Variants in ADAMTSL1 observed in about 807,000 individuals in gnomAD.
ADAMTSL1 encodes the protein ADAMTS like 1, also known as ADAMTS-like protein 1.
ADAMTSL1 carries 126 observed loss-of-function variants against 201.8 expected under a neutral mutation model. The ratio of observed to expected loss-of-function variants is 0.62; its 90% confidence interval spans 0.54 to 0.72. The LOEUF is 0.72. Among genes scored for constraint, ADAMTSL1 ranks in the 30% least tolerant of loss-of-function variants. The pLI is 0.00. For synonymous variants in ADAMTSL1, 1,121 were observed against 903.4 expected, an observed-to-expected ratio of 1.24 and a Z score of -4.32; for missense variants, 2,679 against 2,277.8, an observed-to-expected ratio of 1.18 and a Z score of -3.59.
chr9:18,305,545 G>A (rs569063979), intron 2 of ADAMTSL1, among the ~76,000 whole-genome samples: 3 of 152,318 alleles, frequency 2.0e-5, no homozygotes, highest in East Asian at 1.9e-4. Flanking sequence ...CATTACTGAG[G>A]CTTGAGTAGG....
chr9:18,349,607 G>T (rs190111159), intron 2 of ADAMTSL1, among the ~76,000 whole-genome samples: 83 of 152,188 alleles, frequency 5.5e-4, no homozygotes, highest in Non-Finnish European at 1.1e-3. Context: ...CCCTGCCTTA[G>T]TGGAAAATAT....
At chr9:18,528,652 G>C (rs920018473) in intron 2 of ADAMTSL1, among the ~76,000 whole-genome samples, 1 of 152,092 alleles carries the variant, frequency 6.6e-6, no homozygotes, top group Non-Finnish European at 1.5e-5. Flanking sequence ...ATTGTGAATA[G>C]TGCTAGAAGA....
intron 1 of ADAMTSL1, among the ~76,000 whole-genome samples, chr9:18,033,552 C>T (rs142594556): frequency 6.6e-6 from 1 of 152,188 alleles, no homozygotes; most frequent in African/African-American, 2.4e-5. Flanking sequence ...TAGGGAATGT[C>T]CTTCTAACCA....
rs897175132 is a variant in ADAMTSL1, at chr9:18,169,586, T to C, written c.207+5605T>C. ...ATGCCTCCAGCTTTGTTCTTTTGAC[T>C]TAGGATTGACTTGGCGATGCGGGCT... On this transcript the variant is annotated intron_variant, in intron 2 of 29. Coordinates refer to the ADAMTSL1 transcript ENST00000680146. Among the ~76,000 whole-genome samples, 6 of 152,172 alleles carry C rather than the reference T, an allele frequency of 3.9e-5. No homozygotes were observed. In the East Asian group the frequency reaches 5.8e-4, roughly 15 times the overall value.
In ADAMTSL1 at chr9:18,115,344, C is replaced by T. The variant is rs372166803; in HGVS notation, c.88-48518C>T. ...CATGCTGCAGGCAATTTCTGGAAGGCAGGCAGGAAGGCAGGCAGGGGGACC... is the reference window on the plus strand; with the variant it reads ...CATGCTGCAGGCAATTTCTGGAAGGTAGGCAGGAAGGCAGGCAGGGGGACC... On this transcript the variant is annotated intron_variant, in intron 1 of 29. Transcript: ENST00000680146. Among the ~76,000 whole-genome samples the T allele has an allele frequency of 9.9e-5, 15 of 152,224 alleles. No individual in the cohort carries two copies. In the East Asian group the frequency reaches 2.1e-3, roughly 22 times the overall value.
rs190770491 is a variant in ADAMTSL1, at chr9:18,422,780, C to T, written c.208-82049C>T. 3.6e-4 allele frequency among the ~76,000 whole-genome samples: 55 copies of T among 152,274 alleles called. 1 individual carries two copies. The East Asian group carries it at 6.0e-3, about 17-fold the overall frequency. ...CCGGTATGGCCTCTGTCACAGCCTT[C>T]CTCATATAATCCAGTAACTGGTTGC... On this transcript the variant is annotated intron_variant, in intron 2 of 29. Transcript: ENST00000680146.
chr9:17,940,044 A>T (rs1827173500), intron 1 of ADAMTSL1, among the ~76,000 whole-genome samples: 1 of 151,984 alleles, frequency 6.6e-6, no homozygotes, highest in Non-Finnish European at 1.5e-5. Context: ...TGGGGGGAGG[A>T]TGAAACAATA....
chr9:18,305,749 C>T (rs1446141514), intron 2 of ADAMTSL1, among the ~76,000 whole-genome samples: 1 of 152,174 alleles, frequency 6.6e-6, no homozygotes, highest in Non-Finnish European at 1.5e-5. Flanking sequence ...TGGGACACAG[C>T]ACTTGGGGGA....
rs1218055587 is a variant in ADAMTSL1, at chr9:18,710,671, GT to G, written c.1876+3642del. On this transcript the variant is annotated intron_variant, in intron 14 of 28. Coordinates refer to ENST00000380548, the MANE Select transcript of ADAMTSL1 (RefSeq NM_001040272.6). ...CTTAGAAGGGCCTAAGTTTTGTTTT[GT>G]TTTTTTTTTTTTTTTTTTACAAAAT... 4.9e-4 allele frequency among the ~76,000 whole-genome samples: 48 copies of G among 97,182 alleles called. 1 individual carries two copies. In the East Asian group the frequency reaches 6.2e-3, roughly 13 times the overall value. 63.8% of individuals were successfully genotyped at this position (97,182 alleles called of 152,430 possible).
At chr9:18,181,604 T>C (rs1828481578) in intron 2 of ADAMTSL1, among the ~76,000 whole-genome samples, 1 of 152,104 alleles carries the variant, frequency 6.6e-6, no homozygotes, top group South Asian at 2.1e-4. Flanking sequence ...CTCACACCAT[T>C]TAGAATGGCG....
intron 1 of ADAMTSL1, among the ~76,000 whole-genome samples, chr9:17,994,319 T>C (rs1819286191): frequency 6.6e-6 from 1 of 152,188 alleles, no homozygotes; most frequent in Non-Finnish European, 1.5e-5. Flanking sequence ...ATAACTTTTC[T>C]ATCTTTTTTT....
intron 1 of ADAMTSL1, among the ~76,000 whole-genome samples, chr9:18,046,473 C>G (rs1821663752): frequency 6.6e-6 from 1 of 152,158 alleles, no homozygotes; most frequent in African/African-American, 2.4e-5. Context: ...TTATCAACCA[C>G]TTCTATTCAC....
chr9:18,487,548 GAA>G (rs549679331), intron 1 of ADAMTSL1, among the ~76,000 whole-genome samples: 1 of 152,050 alleles, frequency 6.6e-6, no homozygotes, highest in Non-Finnish European at 1.5e-5. Flanking sequence ...AGCAAAAGGG[GAA>G]AAAAAGTTAA....
intron 14 of ADAMTSL1, among the ~76,000 whole-genome samples, chr9:18,717,516 A>G (rs752432830): frequency 4.6e-5 from 7 of 152,162 alleles, no homozygotes; most frequent in African/African-American, 1.2e-4. Context: ...ACAATAAGCT[A>G]CAAGTATCAA....
At chr9:18,851,195 C>T (rs543343052) in intron 23 of ADAMTSL1, among the ~76,000 whole-genome samples, 2 of 152,144 alleles carry the variant, frequency 1.3e-5, no homozygotes, top group Admixed American at 6.5e-5. Context: ...TCGATGGGAG[C>T]AGAGATGTGC....
At chr9:18,394,333 A>G (rs1019718482) in intron 2 of ADAMTSL1, among the ~76,000 whole-genome samples, 12 of 152,240 alleles carry the variant, frequency 7.9e-5, no homozygotes, top group Non-Finnish European at 1.5e-4. Context: ...TTCCAATAAC[A>G]GAATCTGTCC....
intron 23 of ADAMTSL1, among the ~76,000 whole-genome samples, chr9:18,842,872 T>G (rs2131327741): frequency 6.6e-6 from 1 of 151,128 alleles, no homozygotes; most frequent in Non-Finnish European, 1.5e-5. Context: ...GCCTTTTTTG[T>G]TTTCCATTTG....
At chr9:18,117,892 C>T (rs938043700) in intron 1 of ADAMTSL1, among the ~76,000 whole-genome samples, 3 of 152,172 alleles carry the variant, frequency 2.0e-5, no homozygotes, top group African/African-American at 7.2e-5. Flanking sequence ...TGGCTAGCCA[C>T]ATGAGGGTTA....
intron 6 of ADAMTSL1, among the ~76,000 whole-genome samples, chr9:18,637,422 G>A (rs1827172693): frequency 1.3e-5 from 2 of 152,182 alleles, no homozygotes; most frequent in South Asian, 4.2e-4. Flanking sequence ...ACCAAGTGGG[G>A]GACTGACTCT....
Sources: gnomAD v4.1 joint callset for allele counts (sites outside exome capture counted in the v4.1 genomes callset) on GRCh38, gnomAD v4.1.1 for gene constraint, MANE v1.5 for transcripts, NCBI Gene and HGNC (gene_info 2026-07-23, HGNC 2026-07-21) for gene names.